RMND1: variants seen among roughly 807,000 people sequenced by gnomAD.
The protein encoded by RMND1 is required for meiotic nuclear division protein 1 homolog.
Under a neutral mutation model 54.0 loss-of-function variants are expected in RMND1, and 41 were observed. The observed-to-expected ratio is 0.76, with a 90% CI of 0.59 to 0.98. The LOEUF (loss-of-function observed/expected upper bound fraction) is 0.98. Among genes scored for constraint, RMND1 ranks in the 50% least tolerant of loss-of-function variants. RMND1 has a pLI of 0.00. For missense variants in RMND1, 457 were observed against 532.0 expected (o/e 0.86, Z 1.39); for synonymous variants, 183 against 181.7 (o/e 1.01, Z -0.06).
chr6:151,442,322 T>C (rs1178805243), intron 2 of RMND1, among the ~76,000 whole-genome samples: 1 of 152,200 alleles, frequency 6.6e-6, no homozygotes, highest in Non-Finnish European at 1.5e-5. Context: ...GTATTTACGT[T>C]TATCATGAGC....
intron 10 of RMND1, among the ~76,000 whole-genome samples, chr6:151,407,960 G>A (rs781719088): frequency 1.3e-5 from 2 of 151,996 alleles, no homozygotes; most frequent in Admixed American, 6.6e-5. Context: ...TATTTATTTA[G>A]GTATAGAGGC....
intron 3 of RMND1, among the ~76,000 whole-genome samples, chr6:151,433,851 T>A (rs959249385): frequency 3.5e-5 from 5 of 143,748 alleles, no homozygotes; most frequent in African/African-American, 1.3e-4. Context: ...TTTGTTTTTT[T>A]TGAGACAGGG....
intron 2 of RMND1, among the ~76,000 whole-genome samples, chr6:151,438,548 T>G (rs1466954984): frequency 6.6e-6 from 1 of 151,904 alleles, no homozygotes; most frequent in African/African-American, 2.4e-5. Context: ...AACTCAAGAG[T>G]TGACCTACAT....
At position 151,405,130 on chromosome 6, in the gene RMND1, A is replaced by T. The variant is rs1779564698; in HGVS notation, c.*105T>A. 7 of 996,766 alleles carry T rather than the reference A, an allele frequency of 7.0e-6. No individual in the cohort carries two copies. The South Asian group carries it at 8.3e-5, about 12-fold the overall frequency. 61.7% of individuals were successfully genotyped at this position (996,766 alleles called of 1,614,324 possible). A position where few individuals can be genotyped will look rare whatever the true frequency, so the allele number is the denominator to read the frequency against. On this transcript the variant is annotated 3_prime_UTR_variant, in exon 12 of 12. Transcript: ENST00000444024. ...CTCAAGCCACCCTTCTTGGCCTCCG[A>T]AAGTGCTGGGATTACAGGCATGAGG...
chr6:151,423,072 T>A (rs1325229897), intron 7 of RMND1, among the ~76,000 whole-genome samples: 1 of 152,190 alleles, frequency 6.6e-6, no homozygotes, highest in Non-Finnish European at 1.5e-5. Context: ...CTTAAAGAAC[T>A]TGTATAGTTT....
intron 4 of RMND1, among the ~76,000 whole-genome samples, chr6:151,431,717 T>C (rs1379757039): frequency 1.3e-5 from 2 of 152,100 alleles, no homozygotes; most frequent in African/African-American, 4.8e-5. Flanking sequence ...AGACTTAGTA[T>C]GACAAGTGAA....
chr6:151,450,632 C>T (rs1367911988), intron 1 of RMND1, among the ~76,000 whole-genome samples: 7 of 151,002 alleles, frequency 4.6e-5, no homozygotes, highest in Non-Finnish European at 7.4e-5. Flanking sequence ...TGAGGGGCGC[C>T]TCTGCCCGGC....
rs377658470 is a variant in RMND1 at position 151,423,535 on chromosome 6, T to A, written c.927A>T (p.Leu309=). The change falls in exon 7 of 12, where the codon CTA becomes CTT. Residue 309 remains leucine (L), a synonymous_variant. Coordinates refer to ENST00000444024, the MANE Select transcript of RMND1 (RefSeq NM_017909.4). ...GCAGTAGTAACTTACCAGAAAGGCATAGAGCATTGGAGAAAGCAAACTTCT... is the reference window on the plus strand; with the variant it reads ...GCAGTAGTAACTTACCAGAAAGGCAAAGAGCATTGGAGAAAGCAAACTTCT... ...ILEKFAFSNA[L]CLSVKLAIWE... is the part of the protein sequence containing the mutation. 6.2e-7 allele frequency: 1 copy of A among 1,607,258 alleles called. No individual in the cohort carries two copies. Among genetic ancestry groups the A allele is most frequent in the Non-Finnish European group, 8.5e-7 (1 of 1,173,832 alleles).
intron 1 of RMND1, among the ~76,000 whole-genome samples, chr6:151,448,563 C>G (rs376350182): frequency 8.1e-4 from 123 of 152,302 alleles, no homozygotes; most frequent in African/African-American, 2.8e-3. Context: ...TATCCAACTT[C>G]TCAGTAAATC....
chr6:151,446,431 A>AG (rs1780955328), intron 1 of RMND1, among the ~76,000 whole-genome samples: 1 of 151,950 alleles, frequency 6.6e-6, no homozygotes. Context: ...GGAAAAAAAA[A>AG]AAAAAAATCA....
chr6:151,411,664 T>C (rs1779838457), intron 10 of RMND1: 1 of 152,210 alleles, frequency 6.6e-6, no homozygotes, highest in Admixed American at 6.5e-5. Context: ...ATACTGAGGA[T>C]GGACAGATAA....
chr6:151,408,037 G>A (rs1779688719), intron 10 of RMND1, among the ~76,000 whole-genome samples: 1 of 152,126 alleles, frequency 6.6e-6, no homozygotes, highest in African/African-American at 2.4e-5. Flanking sequence ...ACAGAGGTAG[G>A]AAATGTGAAT....
At chr6:151,449,330 C>A (rs1781059064) in intron 1 of RMND1, among the ~76,000 whole-genome samples, 1 of 149,086 alleles carries the variant, frequency 6.7e-6, no homozygotes, top group African/African-American at 2.5e-5. Flanking sequence ...GATCGCGCCA[C>A]TGCACTAAAG....
chr6:151,413,937 G>A (rs896935850), intron 10 of RMND1: 1 of 152,262 alleles, frequency 6.6e-6, no homozygotes, highest in Non-Finnish European at 1.5e-5. Flanking sequence ...CAAGATCAGT[G>A]ACAACTGCAG....
intron 3 of RMND1, chr6:151,436,203 C>A: frequency 7.5e-6 from 3 of 401,568 alleles, no homozygotes; most frequent in South Asian, 6.2e-5. Context: ...GACCTCTGAC[C>A]ACCTCAAGTA....
intron 9 of RMND1, among the ~76,000 whole-genome samples, chr6:151,419,305 T>TCCACCTGTCTCAGCCTC (rs1451295078): frequency 6.6e-5 from 10 of 151,272 alleles, no homozygotes; most frequent in Admixed American, 3.3e-4. Flanking sequence ...CCTCAAGCAA[T>TCCACCTGTCTCAGCCTC]CCACCTGTCT....
In RMND1 at chr6:151,427,537, A is replaced by G. The variant is rs1780338691; in HGVS notation, c.775T>C (p.Tyr259His). The stretch of plus-strand genomic sequence containing the variant: ...TCCCAGTGTACCAGTGCGATTTCAT[A>G]GGGCTGAATTTCATGTTTTTCTAGA... ...KVLEKHEIQP[Y>H]EIALVHWENE... The change falls in exon 6 of 12, where the codon TAT becomes CAT. Residue 259 changes from tyrosine (Y) to histidine (H), a missense_variant. By Grantham distance (83) the Tyr-to-His change is moderately conservative. Transcript: ENST00000444024. The G allele has an allele frequency of 6.2e-7, 1 of 1,612,784 alleles. No individual in the cohort carries two copies. The highest frequency in any genetic ancestry group is 8.5e-7 in the Non-Finnish European group (1 of 1,179,016).
intron 1 of RMND1, among the ~76,000 whole-genome samples, chr6:151,451,194 T>TCAA (rs1781177309): frequency 1.2e-5 from 1 of 84,392 alleles, no homozygotes; most frequent in East Asian, 5.9e-4. Context: ...CCAAGAATGA[T>TCAA]CAATAAAAAA....
chr6:151,446,055 C>T, intron 1 of RMND1: 1 of 445,218 alleles, frequency 2.2e-6, no homozygotes, highest in Non-Finnish European at 4.0e-6. Context: ...TATAAAGCTA[C>T]TGACATAACA....
Sources: gnomAD v4.1 joint callset for allele counts (sites outside exome capture counted in the v4.1 genomes callset) on GRCh38, gnomAD v4.1.1 for gene constraint, MANE v1.5 for transcripts, NCBI Gene and HGNC (gene_info 2026-07-23, HGNC 2026-07-21) for gene names.